The following AMOT variants were observed in gnomAD, a reference collection of about 807,000 sequenced individuals.
The protein encoded by AMOT is angiomotin.
Under a neutral mutation model 67.0 loss-of-function variants are expected in AMOT, and 11 were observed. The ratio of observed to expected loss-of-function variants is 0.16; its 90% confidence interval spans 0.10 to 0.27. The LOEUF is 0.27. Ranked by LOEUF, AMOT falls within the 10% of genes least tolerant of loss-of-function variation. The probability of loss-of-function intolerance (pLI) is 1.00; values close to 1 mark genes in which losing one functional copy is unlikely to be tolerated. For synonymous variants in AMOT, 326 were observed against 321.4 expected, an observed-to-expected ratio of 1.01 and a Z score of -0.15; for missense variants, 753 against 852.0, an observed-to-expected ratio of 0.88 and a Z score of 1.45.
chrX:112,778,945 G>A (rs1363687781), intron 13 of AMOT, 52 bp downstream of exon 13: 25 of 1,090,067 alleles, frequency 2.3e-5, no homozygotes, highest in Non-Finnish European at 3.1e-5. Flanking sequence ...AAATAAATCT[G>A]TATTTGAGAG....
At chrX:112,801,487 C>G (rs1934015690) in intron 8 of AMOT, among the ~76,000 whole-genome samples, 1 of 111,376 alleles carries the variant, frequency 9.0e-6, no homozygotes, top group Non-Finnish European at 1.9e-5. Context: ...GCTATCCCCT[C>G]CCCAGCAAGA....
chrX:112,827,421 C>T (rs116546824), intron 2 of AMOT, among the ~76,000 whole-genome samples: 282 of 112,265 alleles, frequency 2.5e-3, no homozygotes, highest in African/African-American at 8.7e-3. Flanking sequence ...GTTTCATGCA[C>T]AAGAACTAAA....
At chrX:112,784,505 T>C (rs921470995) in intron 10 of AMOT, among the ~76,000 whole-genome samples, 1 of 112,013 alleles carries the variant, frequency 8.9e-6, no homozygotes, top group Admixed American at 9.5e-5. Context: ...AGGGATTGCT[T>C]AAGGCCAAGA....
At position 112,775,482 on chromosome X, in the gene AMOT, G is replaced by A. The variant is rs1016218476; in HGVS notation, c.*3085C>T. On this transcript the variant is annotated 3_prime_UTR_variant, in exon 14 of 14. Transcript: ENST00000371959. ...CAATCAGTTTGTTCATTTTCCAATT[G>A]TTATACCCACCCAACAGTGTAACAA... 3.6e-5 allele frequency: 4 copies of A among 111,900 alleles called. No homozygotes were observed. The highest frequency in any genetic ancestry group is 1.3e-4 in the African/African-American group (4 of 30,698). The allele number at this position is 111,900 out of a possible 1,213,427, so 9.2% of individuals were successfully genotyped here. A position where few individuals can be genotyped will look rare whatever the true frequency, so the allele number is the denominator to read the frequency against.
chrX:112,838,556 A>C (rs1016090382), intron 1 of AMOT, among the ~76,000 whole-genome samples: 4 of 112,401 alleles, frequency 3.6e-5, no homozygotes, highest in African/African-American at 1.3e-4. Context: ...AAACCTCAGA[A>C]AGAAAAAGCA....
chrX:112,815,424 T>C lies in AMOT; in HGVS notation c.1326A>G (p.Ser442=). 1.7e-6 allele frequency: 2 copies of C among 1,212,094 alleles called. No homozygotes were observed. Among genetic ancestry groups the C allele is most frequent in the Non-Finnish European group, 1.1e-6 (1 of 895,602 alleles). The change falls in exon 5 of 14, where the codon TCA becomes TCG. Residue 442 remains serine, a synonymous_variant. Transcript: ENST00000371959. ...SRAQQMVEIL[S]DENRNLRQEL... ...CTTGCCTCAAGTTCCGGTTCTCGTCTGAGAGGATCTCAACCATCTGCTGGG... is the reference window on the plus strand; with the variant it reads ...CTTGCCTCAAGTTCCGGTTCTCGTCCGAGAGGATCTCAACCATCTGCTGGG...
chrX:112,799,209 C>T (rs1933935210), intron 8 of AMOT, among the ~76,000 whole-genome samples: 1 of 112,116 alleles, frequency 8.9e-6, no homozygotes, highest in Admixed American at 9.5e-5. Flanking sequence ...ACTTTAATTT[C>T]TTAATCTGTC....
At chrX:112,812,470 C>A (rs1311672200) in intron 5 of AMOT, among the ~76,000 whole-genome samples, 1 of 111,313 alleles carries the variant, frequency 9.0e-6, no homozygotes, top group Non-Finnish European at 1.9e-5. Flanking sequence ...TATGACACCC[C>A]TGCAAATCTC....
At chrX:112,830,521 T>C (rs757706655) in intron 2 of AMOT, among the ~76,000 whole-genome samples, 11 of 112,646 alleles carry the variant, frequency 9.8e-5, no homozygotes, top group Admixed American at 2.8e-4. Flanking sequence ...TAAATGTTTT[T>C]AGACAACCCA....
intron 8 of AMOT, among the ~76,000 whole-genome samples, chrX:112,803,912 T>C (rs1934089913): frequency 8.9e-6 from 1 of 112,171 alleles, no homozygotes; most frequent in African/African-American, 3.2e-5. Flanking sequence ...AGCAGAAGTC[T>C]GTGAGATATG....
At chrX:112,831,296 C>T (rs1805084474) in intron 2 of AMOT, among the ~76,000 whole-genome samples, 1 of 109,744 alleles carries the variant, frequency 9.1e-6, no homozygotes, top group Non-Finnish European at 1.9e-5. Context: ...AGATTTTTCC[C>T]TAATCCCTCT....
chrX:112,782,738 A>G, intron 10 of AMOT, 76 bp from the exon 11 acceptor site: 1 of 1,120,831 alleles, frequency 8.9e-7, no homozygotes, highest in Admixed American at 2.7e-5. Flanking sequence ...TAAGTCAAGG[A>G]AGGCTTTTCT....
In AMOT at chrX:112,821,799, G is replaced by A. The variant is rs1256395483; in HGVS notation, c.872+456C>T. 2.7e-5 allele frequency among the ~76,000 whole-genome samples: 3 copies of A among 112,380 alleles called. No homozygotes were observed. In the East Asian group the frequency reaches 8.4e-4, roughly 32 times the overall value. ...GTAATTCTATGGAAAAATGGTAACT[G>A]ACAAGAAATACACAGATTTGTTTGC... is the stretch of plus-strand genomic sequence containing the variant. On this transcript the variant is annotated intron_variant, in intron 4 of 13. Transcript: ENST00000371959.
At chrX:112,805,198 G>T in intron 7 of AMOT, 106 bp from the exon 8 acceptor site, 1 of 944,824 alleles carries the variant, frequency 1.1e-6, no homozygotes. Flanking sequence ...TACTGCTCTA[G>T]TGCACAGCTG....
At position 112,809,875 on chromosome X, in the gene AMOT, C is replaced by T; in HGVS notation, c.1630+19G>A. 1 of 1,198,267 alleles carries T rather than the reference C, an allele frequency of 8.3e-7. No homozygotes were observed. Among genetic ancestry groups the T allele is most frequent in the Non-Finnish European group, 1.1e-6 (1 of 883,765 alleles). ...CCCATCCACACGTTAATACCTGTTT[C>T]TGCAGCTTGCAGACTTACTTTTTGC... On this transcript the variant is annotated intron_variant, in intron 7 of 13. Coordinates refer to ENST00000371959, the MANE Select transcript of AMOT (RefSeq NM_001113490.2).
At chrX:112,801,777 C>T (rs912978573) in intron 8 of AMOT, among the ~76,000 whole-genome samples, 1 of 112,514 alleles carries the variant, frequency 8.9e-6, no homozygotes, top group Non-Finnish European at 1.9e-5. Context: ...GTAGTCATAA[C>T]CTTTCCCTGA....
At chrX:112,807,048 A>AT (rs1284741931) in intron 7 of AMOT, among the ~76,000 whole-genome samples, 1 of 111,533 alleles carries the variant, frequency 9.0e-6, no homozygotes, top group Non-Finnish European at 1.9e-5. Flanking sequence ...AACCTAATCT[A>AT]TGAGTTTTTG....
intron 10 of AMOT, 80 bp from the exon 11 acceptor site, chrX:112,782,742 C>A: frequency 9.0e-7 from 1 of 1,111,031 alleles, no homozygotes; most frequent in Non-Finnish European, 1.2e-6. Flanking sequence ...TCAAGGAAGG[C>A]TTTTCTGGAA....
chrX:112,831,630 G>A (rs896500987), intron 2 of AMOT, among the ~76,000 whole-genome samples: 1 of 110,325 alleles, frequency 9.1e-6, no homozygotes, highest in Non-Finnish European at 1.9e-5. Context: ...AAGCTCCCAA[G>A]AGGAGGAAAA....
Sources: allele counts gnomAD v4.1 joint callset (sites outside exome capture counted in the v4.1 genomes callset), GRCh38; gene constraint gnomAD v4.1.1; transcripts MANE v1.5; gene names NCBI Gene and HGNC (gene_info 2026-07-23, HGNC 2026-07-21).